Variants in JARID2 observed in about 807,000 individuals in gnomAD.
JARID2 encodes the protein jumonji and AT-rich interaction domain containing 2.
In JARID2, 21 loss-of-function variants were observed where a neutral mutation model predicts 125.6. The observed-to-expected ratio is 0.17, with a 90% CI of 0.12 to 0.24. The LOEUF (loss-of-function observed/expected upper bound fraction) is 0.24. Ranked by LOEUF, JARID2 falls within the 10% of genes least tolerant of loss-of-function variation. JARID2 has a pLI of 1.00. For synonymous variants in JARID2, 736 were observed against 661.6 expected (o/e 1.11, Z -1.73); for missense variants, 1,303 against 1,639.6 (o/e 0.79, Z 3.55).
intron 1 of JARID2, among the ~76,000 whole-genome samples, chr6:15,268,405 C>G (rs1014839904): frequency 1.3e-5 from 2 of 152,204 alleles, no homozygotes; most frequent in Admixed American, 1.3e-4. Flanking sequence ...TGCTACCTCC[C>G]TGTTAAGCTT....
intron 2 of JARID2, among the ~76,000 whole-genome samples, chr6:15,394,302 C>A (rs1432193704): frequency 6.6e-6 from 1 of 152,142 alleles, no homozygotes; most frequent in Non-Finnish European, 1.5e-5. Context: ...AAATGCAATG[C>A]AGCATTGGAG....
At chr6:15,321,987 T>C (rs755923487) in intron 1 of JARID2, among the ~76,000 whole-genome samples, 1 of 151,990 alleles carries the variant, frequency 6.6e-6, no homozygotes, top group Non-Finnish European at 1.5e-5. Flanking sequence ...GAGACGGGGT[T>C]TCACCATGTT....
At chr6:15,503,495 G>T (rs11758484) in intron 8 of JARID2, among the ~76,000 whole-genome samples, 21,271 of 152,020 alleles carry the variant, frequency 0.14, 1,569 homozygotes, top group African/African-American at 0.16. Flanking sequence ...GGGACGCTGC[G>T]GTGTCCAGTG....
chr6:15,257,206 A>C lies in JARID2; in HGVS notation c.45+10622A>C, dbSNP rs189880267. On this transcript the variant is annotated intron_variant, in intron 1 of 17. Coordinates refer to ENST00000341776, the MANE Select transcript of JARID2 (RefSeq NM_004973.4). ...TAACTGCAGTAATTGATTCATTTTC[A>C]TGGAAAAATAAAATCCACGTGTAAT... 2.8e-3 allele frequency among the ~76,000 whole-genome samples: 428 copies of C among 152,248 alleles called. 1 individual carries two copies. The highest frequency in any genetic ancestry group is 9.8e-3 in the African/African-American group (408 of 41,540).
At position 15,447,312 on chromosome 6, in the gene JARID2, A is replaced by T. The variant is rs1232003624; in HGVS notation, c.324-4694A>T. Among the ~76,000 whole-genome samples the T allele has an allele frequency of 2.0e-5, 3 of 152,204 alleles. No individual in the cohort carries two copies. In the East Asian group the frequency reaches 5.8e-4, roughly 29 times the overall value. On this transcript the variant is annotated intron_variant, in intron 3 of 17. Transcript: ENST00000341776. Reference sequence around the variant, plus strand: ...GCTTGATTTAATTGGTTTCATTGACATAAAGGGTACATGTGGAGTTCCTGG... The same window carrying T: ...GCTTGATTTAATTGGTTTCATTGACTTAAAGGGTACATGTGGAGTTCCTGG...
chr6:15,501,248 G>A lies in JARID2; in HGVS notation c.2287G>A (p.Gly763Ser), dbSNP rs372474171. Residue 763 changes from glycine (G) to serine (S), a missense_variant, in exon 8 of 18, where the codon GGC (glycine) becomes AGC (serine). Gly to Ser is a moderately conservative substitution (Grantham distance 56). Transcript: ENST00000341776. ...CGAGCCCAAGAATGGGCTCATCCAC[G>A]GCGTGGCCCCCAGGAACGGCTTCCG... ...RFEPKNGLIH[G>S]VAPRNGFRSK... The A allele has an allele frequency of 2.3e-5, 37 of 1,613,574 alleles. No individual in the cohort carries two copies. The Middle Eastern group carries it at 4.9e-4, about 22-fold the overall frequency.
intron 1 of JARID2, among the ~76,000 whole-genome samples, chr6:15,338,492 C>T (rs1762956067): frequency 6.6e-6 from 1 of 152,246 alleles, no homozygotes; most frequent in Non-Finnish European, 1.5e-5. Context: ...ACATTGAGGA[C>T]AGATGGGCTG....
At chr6:15,253,584 C>T (rs1376137659) in intron 1 of JARID2, among the ~76,000 whole-genome samples, 2 of 151,994 alleles carry the variant, frequency 1.3e-5, no homozygotes, top group East Asian at 1.9e-4. Context: ...GCGTGAGCAG[C>T]GACTGGCAGC....
intron 1 of JARID2, among the ~76,000 whole-genome samples, chr6:15,317,444 A>G (rs1314641821): frequency 1.3e-5 from 2 of 152,170 alleles, no homozygotes; most frequent in African/African-American, 2.4e-5. Context: ...GGGGTGTTCA[A>G]CCGACATTGT....
chr6:15,313,988 C>G (rs1375827731), intron 1 of JARID2, among the ~76,000 whole-genome samples: 1 of 152,120 alleles, frequency 6.6e-6, no homozygotes, highest in African/African-American at 2.4e-5. Context: ...TTGTTTTTAT[C>G]TCTTCATTTG....
At chr6:15,346,129 C>A (rs988840537) in intron 1 of JARID2, among the ~76,000 whole-genome samples, 1 of 152,104 alleles carries the variant, frequency 6.6e-6, no homozygotes, top group African/African-American at 2.4e-5. Context: ...TAGTTAAATG[C>A]GCATTAAAGC....
chr6:15,248,890 G>C, intron 1 of JARID2: 1 of 985,424 alleles, frequency 1.0e-6, no homozygotes, highest in African/African-American at 1.7e-5. Context: ...GCCGGGCTGC[G>C]GCGTGGGAGG....
chr6:15,450,211 C>G lies in JARID2; in HGVS notation c.324-1795C>G, dbSNP rs925009135. Among the ~76,000 whole-genome samples the G allele has an allele frequency of 3.3e-5, 5 of 152,062 alleles. No homozygotes were observed. The East Asian group carries it at 7.7e-4, about 24-fold the overall frequency. On this transcript the variant is annotated intron_variant, in intron 3 of 17. Transcript: ENST00000341776. Reference sequence around the variant, plus strand: ...TGAGACGGAGTTTCGCTCTTGTTGCCCAGGCTGGAGTGCAGTGGCGTGATC... The same window carrying G: ...TGAGACGGAGTTTCGCTCTTGTTGCGCAGGCTGGAGTGCAGTGGCGTGATC...
intron 3 of JARID2, among the ~76,000 whole-genome samples, chr6:15,412,364 G>T (rs1007107916): frequency 3.3e-5 from 5 of 152,094 alleles, no homozygotes; most frequent in Admixed American, 3.3e-4. Context: ...GCTGGAGTGT[G>T]GTGGTGCAAT....
chr6:15,379,356 T>C (rs1561824287), intron 2 of JARID2, among the ~76,000 whole-genome samples: 2 of 152,164 alleles, frequency 1.3e-5, no homozygotes, highest in African/African-American at 4.8e-5. Flanking sequence ...CCACTTTTCA[T>C]GGATGTAATA....
intron 1 of JARID2, among the ~76,000 whole-genome samples, chr6:15,358,860 C>T (rs1046583377): frequency 5.9e-5 from 9 of 152,078 alleles, no homozygotes; most frequent in Admixed American, 2.6e-4. Flanking sequence ...TGGGAGATGG[C>T]GGGACTGAAT....
chr6:15,330,204 T>G (rs1581419872), intron 1 of JARID2, among the ~76,000 whole-genome samples: 1 of 152,354 alleles, frequency 6.6e-6, no homozygotes, highest in East Asian at 1.9e-4. Flanking sequence ...AAACGAGTCT[T>G]TGTCTGCTTT....
At chr6:15,277,787 A>T (rs1760588893) in intron 1 of JARID2, among the ~76,000 whole-genome samples, 1 of 143,450 alleles carries the variant, frequency 7.0e-6, no homozygotes, top group African/African-American at 2.5e-5. Context: ...GCAAAAAAAA[A>T]AAAAAAACAG....
At chr6:15,493,960 A>C (rs907197489) in intron 6 of JARID2, among the ~76,000 whole-genome samples, 3 of 152,002 alleles carry the variant, frequency 2.0e-5, no homozygotes, top group Non-Finnish European at 4.4e-5. Context: ...TTTATTCCAG[A>C]CCGTCTGTCA....
Sources: gnomAD v4.1 joint callset for allele counts (sites outside exome capture counted in the v4.1 genomes callset) on GRCh38, gnomAD v4.1.1 for gene constraint, MANE v1.5 for transcripts, NCBI Gene and HGNC (gene_info 2026-07-23, HGNC 2026-07-21) for gene names.